RHBDD2: variants seen among roughly 807,000 people sequenced by gnomAD.
RHBDD2 encodes rhomboid domain containing 2.
RHBDD2 carries 13 observed loss-of-function variants against 21.7 expected under a neutral mutation model. The observed-to-expected ratio is 0.60, with a 90% confidence interval of 0.39 to 0.95. RHBDD2 has a LOEUF of 0.95. RHBDD2 is among the 40% of genes least tolerant of loss of function. The probability of loss-of-function intolerance (pLI) is 0.00; values close to 1 mark genes in which losing one functional copy is unlikely to be tolerated. For synonymous variants in RHBDD2, 225 were observed against 220.0 expected (o/e 1.02, Z -0.20); for missense variants, 473 against 478.9 (o/e 0.99, Z 0.11).
intron 3 of RHBDD2, among the ~76,000 whole-genome samples, chr7:75,887,374 GTGGCACAATCT>G (rs1487742343): frequency 4.6e-5 from 7 of 150,700 alleles, no homozygotes; most frequent in African/African-American, 1.7e-4. Context: ...CTGGAGTGCA[GTGGCACAATCT>G]TGGCTCACTG....
Position 75,879,069 on chromosome 7 carries a change from G to T in RHBDD2, c.-14G>T, listed in dbSNP as rs782805148. ...CAGCCGGCGTCGAGGCGGGGCGCGG[G>T]AACGACGGCGGCCATGGCGGCCTCG... On this transcript the variant is annotated 5_prime_UTR_variant, in exon 1 of 4. Transcript: ENST00000006777. 3 of 1,365,744 alleles carry T rather than the reference G, an allele frequency of 2.2e-6. No individual in the cohort carries two copies. The highest frequency in any genetic ancestry group is 3.1e-5 in the African/African-American group (2 of 65,144). 84.6% of individuals were successfully genotyped at this position (1,365,744 alleles called of 1,614,324 possible).
In RHBDD2 at chr7:75,883,901, T is replaced by C. The variant is rs559028611; in HGVS notation, c.737+53T>C. 9.1e-5 allele frequency: 75 copies of C among 822,030 alleles called. No homozygotes were observed. In the African/African-American group the frequency reaches 1.2e-3, roughly 13 times the overall value. 50.9% of individuals were successfully genotyped at this position (822,030 alleles called of 1,614,324 possible). A position where few individuals can be genotyped will look rare whatever the true frequency, so the allele number is the denominator to read the frequency against. The stretch of plus-strand genomic sequence containing the variant: ...TAAATCTTTTTTAAAAAAAAAATTA[T>C]TTTTTTTTTTTGAGACGGAGTCTCA... On this transcript the variant is annotated intron_variant, in intron 3 of 3. Transcript: ENST00000006777.
intron 1 of RHBDD2, among the ~76,000 whole-genome samples, chr7:75,880,074 T>C (rs1805229523): frequency 1.3e-5 from 2 of 152,156 alleles, no homozygotes; most frequent in Non-Finnish European, 2.9e-5. Flanking sequence ...CTAGATAAGA[T>C]TGAGGTTTCA....
chr7:75,880,485 G>A (rs1436761329), intron 1 of RHBDD2, among the ~76,000 whole-genome samples: 1 of 152,122 alleles, frequency 6.6e-6, no homozygotes, highest in East Asian at 1.9e-4. Context: ...ATATGTGAGC[G>A]TTAGAGACGT....
chr7:75,886,706 C>T (rs1279829850), intron 3 of RHBDD2, among the ~76,000 whole-genome samples: 4 of 151,482 alleles, frequency 2.6e-5, no homozygotes, highest in East Asian at 1.9e-4. Flanking sequence ...CCCAGCTACT[C>T]GGGAGGCTGA....
In RHBDD2 at chr7:75,882,057, C is replaced by T. The variant is rs1554542688; in HGVS notation, c.407C>T (p.Thr136Ile). Reference protein sequence around the residue: ...LGEVEDARGFTPVAFAMLGVT... With the variant: ...LGEVEDARGFIPVAFAMLGVT... ...GAAGTGGAGGATGCCAGAGGTTTCACCCCAGTGGCCTTTGCCATGCTGGGA... is the reference window on the plus strand; with the variant it reads ...GAAGTGGAGGATGCCAGAGGTTTCATCCCAGTGGCCTTTGCCATGCTGGGA... The change falls in exon 2 of 4, where the codon ACC (threonine) becomes ATC (isoleucine). Residue 136 changes from threonine (T) to isoleucine (I), a missense_variant. Transcript: ENST00000006777. The T allele has an allele frequency of 2.2e-5, 35 of 1,614,124 alleles. No individual in the cohort carries two copies. Among genetic ancestry groups the T allele is most frequent in the Non-Finnish European group, 3.0e-5 (35 of 1,180,048 alleles).
Position 75,888,571 on chromosome 7 carries a change from T to C in RHBDD2, c.*222T>C, listed in dbSNP as rs1554544658. 3 of 523,610 alleles carry C rather than the reference T, an allele frequency of 5.7e-6. No homozygotes were observed. Among genetic ancestry groups the C allele is most frequent in the East Asian group, 6.0e-5 (2 of 33,270 alleles). 32.4% of individuals were successfully genotyped at this position (523,610 alleles called of 1,614,324 possible). ...GAAAGCGAGACGTTCTGCCATCAGA[T>C]AAAGTCACGTGGCTCTTTAGTAACA... On this transcript the variant is annotated 3_prime_UTR_variant, in exon 4 of 4. Coordinates refer to ENST00000006777, the MANE Select transcript of RHBDD2 (RefSeq NM_001040456.3).
intron 3 of RHBDD2, 100 bp downstream of exon 3, chr7:75,883,948 G>A (rs1805498914): frequency 1.1e-6 from 1 of 951,798 alleles, no homozygotes; most frequent in Non-Finnish European, 1.5e-6. Flanking sequence ...AGGCTGTAGT[G>A]CAGTGGCACA....
chr7:75,883,881 C>T lies in RHBDD2; in HGVS notation c.737+33C>T, dbSNP rs1554543174. Reference sequence around the variant, plus strand: ...ACAGAACTCTTAAGTGCTGTTAAATCTTTTTTAAAAAAAAAATTATTTTTT... The same window carrying T: ...ACAGAACTCTTAAGTGCTGTTAAATTTTTTTTAAAAAAAAAATTATTTTTT... On this transcript the variant is annotated intron_variant, in intron 3 of 3. Coordinates refer to ENST00000006777, the MANE Select transcript of RHBDD2 (RefSeq NM_001040456.3). The T allele has an allele frequency of 1.9e-6, 3 of 1,543,420 alleles. No homozygotes were observed. In the South Asian group the frequency reaches 3.7e-5, roughly 19 times the overall value.
In RHBDD2 at chr7:75,887,979, T is replaced by C. The variant is rs1563381381; in HGVS notation, c.738-13T>C. The C allele has an allele frequency of 6.9e-6, 11 of 1,604,746 alleles. No individual in the cohort carries two copies. The East Asian group carries it at 1.6e-4, about 23-fold the overall frequency. ...CTCGCTGAAGGACCATTTTCTCTCT[T>C]GTTCCATTCCAGACTGAACCCGGTG... On this transcript the variant is annotated splice_polypyrimidine_tract_variant and intron_variant, in intron 3 of 3. Coordinates refer to ENST00000006777, the MANE Select transcript of RHBDD2 (RefSeq NM_001040456.3).
chr7:75,879,405 C>T (rs1267307505), intron 1 of RHBDD2, 145 bp downstream of exon 1: 21 of 734,372 alleles, frequency 2.9e-5, no homozygotes, highest in Non-Finnish European at 4.1e-5. Flanking sequence ...GCCCGCCCCC[C>T]GGAGGACCGA....
chr7:75,883,648 G>A (rs782300856), intron 2 of RHBDD2, 50 bp from the exon 3 acceptor site: 42 of 1,561,424 alleles, frequency 2.7e-5, no homozygotes, highest in East Asian at 4.5e-5. Flanking sequence ...GGGAGTGTTC[G>A]GCCCTCCTCC....
rs553107085 is a variant in RHBDD2, at chr7:75,879,100, C to G, written c.18C>G (p.Pro6=). The G allele has an allele frequency of 2.9e-6, 4 of 1,367,744 alleles. No homozygotes were observed. The highest frequency in any genetic ancestry group is 3.8e-6 in the Non-Finnish European group (4 of 1,052,882). 84.7% of individuals were successfully genotyped at this position (1,367,744 alleles called of 1,614,324 possible). A position where few individuals can be genotyped will look rare whatever the true frequency, so the allele number is the denominator to read the frequency against. Residue 6 remains proline (P), a synonymous_variant, in exon 1 of 4, where the codon CCC becomes CCG. Coordinates refer to ENST00000006777, the MANE Select transcript of RHBDD2 (RefSeq NM_001040456.3). MAASG[P]GCRSWCLCPE... is the part of the protein sequence containing the mutation. ...CGGCGGCCATGGCGGCCTCGGGGCC[C>G]GGGTGTCGCAGCTGGTGCTTGTGTC...
rs1445191191 is a variant in RHBDD2, at chr7:75,881,320, C to T, written c.179-509C>T. ...GTTAATGATAGTGTTATAATTCTTACAGCTGCAAAATAATTCATGGTCCCT... is the reference window on the plus strand; with the variant it reads ...GTTAATGATAGTGTTATAATTCTTATAGCTGCAAAATAATTCATGGTCCCT... On this transcript the variant is annotated intron_variant, in intron 1 of 3. Transcript: ENST00000006777. 5.4e-6 allele frequency: 7 copies of T among 1,284,950 alleles called. No individual in the cohort carries two copies. The South Asian group carries it at 6.2e-5, about 11-fold the overall frequency. The allele number at this position is 1,284,950 out of a possible 1,614,324, so 79.6% of individuals were successfully genotyped here.
rs782246132 is a variant in RHBDD2 at position 75,888,102 on chromosome 7, G to C, written c.848G>C (p.Trp283Ser). The change falls in exon 4 of 4, where the codon TGG becomes TCG. Residue 283 changes from tryptophan to serine, a missense_variant. By Grantham distance (177) the Trp-to-Ser change is radical. Coordinates refer to ENST00000006777, the MANE Select transcript of RHBDD2 (RefSeq NM_001040456.3). The part of the protein sequence containing the change: ...QHASGQKLAS[W>S]PSCTPGHMPT... ...GCCAGTGGTCAGAAGCTGGCCTCCTGGCCCTCCTGCACCCCCGGGCACATG... is the reference window on the plus strand; with the variant it reads ...GCCAGTGGTCAGAAGCTGGCCTCCTCGCCCTCCTGCACCCCCGGGCACATG... 1 of 1,613,770 alleles carries C rather than the reference G, an allele frequency of 6.2e-7. No individual in the cohort carries two copies. Among genetic ancestry groups the C allele is most frequent in the Middle Eastern group, 1.6e-4 (1 of 6,062 alleles).
chr7:75,881,481 A>G (rs1284590260), intron 1 of RHBDD2: 1 of 1,308,154 alleles, frequency 7.6e-7, no homozygotes. Flanking sequence ...CAAACTGCCC[A>G]GTGAGGTAGG....
intron 2 of RHBDD2, 127 bp from the exon 3 acceptor site, chr7:75,883,571 G>A (rs1207012507): frequency 2.6e-6 from 2 of 781,222 alleles, no homozygotes; most frequent in East Asian, 5.2e-5. Context: ...GCAAACTCCA[G>A]CCAGAGTGTG....
intron 1 of RHBDD2, 93 bp downstream of exon 1, chr7:75,879,353 G>T (rs1554542058): frequency 6.6e-6 from 8 of 1,209,916 alleles, no homozygotes; most frequent in East Asian, 3.2e-5. Context: ...GCCCCTTCAG[G>T]CCTCACCGCC....
rs563302011 is a variant in RHBDD2, at chr7:75,883,596, T to C, written c.587-102T>C. 5.0e-5 allele frequency: 50 copies of C among 993,966 alleles called. No individual in the cohort carries two copies. The African/African-American group carries it at 5.7e-4, about 11-fold the overall frequency. 61.6% of individuals were successfully genotyped at this position (993,966 alleles called of 1,614,324 possible). A position where few individuals can be genotyped will look rare whatever the true frequency, so the allele number is the denominator to read the frequency against. On this transcript the variant is annotated intron_variant, in intron 2 of 3. Transcript: ENST00000006777. ...GCCAGAGTGTGCAGCGTGCTAAGCA[T>C]GAAGGCTTCTGTAGAGTGAGTGGGA... is the stretch of plus-strand genomic sequence containing the variant.
Sources: gnomAD v4.1 joint callset for allele counts (sites outside exome capture counted in the v4.1 genomes callset) on GRCh38, gnomAD v4.1.1 for gene constraint, MANE v1.5 for transcripts, NCBI Gene and HGNC (gene_info 2026-07-23, HGNC 2026-07-21) for gene names.